Variants in ZNF91 observed in about 807,000 individuals in gnomAD.
ZNF91 encodes zinc finger protein 91 (HPF7, HTF10).
ZNF91 carries 7 observed loss-of-function variants against 12.6 expected under a neutral mutation model. The ratio of observed to expected loss-of-function variants is 0.55; its 90% CI spans 0.31 to 1.04. The LOEUF (loss-of-function observed/expected upper bound fraction) is 1.04, where lower values mean the gene tolerates loss of function less well. Among genes scored for constraint, ZNF91 ranks in the 50% least tolerant of loss-of-function variants. The pLI is 0.05. For synonymous variants in ZNF91, 453 were observed against 462.6 expected, an observed-to-expected ratio of 0.98 and a Z score of 0.27; for missense variants, 1,217 against 1,385.4, an observed-to-expected ratio of 0.88 and a Z score of 1.93.
chr19:23,380,626 A>G (rs76370960), intron 1 of ZNF91: 2 of 152,206 alleles, frequency 1.3e-5, no homozygotes, highest in African/African-American at 2.4e-5. Flanking sequence ...GCGTCTTAAG[A>G]AAAAACTGAG....
At chr19:23,382,049 CAAAAA>C (rs60814223) in intron 1 of ZNF91, among the ~76,000 whole-genome samples, 1 of 79,388 alleles carries the variant, frequency 1.3e-5, no homozygotes, top group Non-Finnish European at 2.7e-5. Flanking sequence ...AATCCTGAGA[CAAAAA>C]AAAAAAAAAA....
At chr19:23,383,227 T>C (rs185932030) in intron 1 of ZNF91, among the ~76,000 whole-genome samples, 2 of 152,268 alleles carry the variant, frequency 1.3e-5, no homozygotes, top group East Asian at 1.9e-4. Context: ...TAAAAAGAAC[T>C]ACTAAAGACA....
chr19:23,321,219 G>A (rs1967687381), intron 1 of ZNF91, among the ~76,000 whole-genome samples: 1 of 152,168 alleles, frequency 6.6e-6, no homozygotes, highest in African/African-American at 2.4e-5. Context: ...AAGTAGAATG[G>A]TGATATACTG....
chr19:23,318,127 T>C (rs1045810720), intron 1 of ZNF91, among the ~76,000 whole-genome samples: 2 of 152,186 alleles, frequency 1.3e-5, no homozygotes, highest in African/African-American at 4.8e-5. Context: ...TTATATTCAG[T>C]TAATATGAGT....
chr19:23,384,782 T>C, intron 1 of ZNF91: 1 of 649,788 alleles, frequency 1.5e-6, no homozygotes, highest in Non-Finnish European at 2.8e-6. Context: ...AGTAAGTTCT[T>C]CCGGGCCAAC....
At position 23,361,732 on chromosome 19, in the gene ZNF91, T is replaced by A. The variant is rs779403146; in HGVS notation, c.1247A>T (p.Asn416Ile). ...ATGTATAGTAAGATTTGAAGATCGA[T>A]TAAAAGCTTTGCCACATTCTTCACA... ...YKCEECGKAF[N>I]RSSNLTIHKF... The change falls in exon 4 of 4, where the codon AAT becomes ATT. Residue 416 changes from asparagine (N) to isoleucine (I), a missense_variant. Asn to Ile is a moderately radical substitution (Grantham distance 149). Transcript: ENST00000300619. 1.3e-4 allele frequency: 201 copies of A among 1,606,602 alleles called. No homozygotes were observed. The highest frequency in any genetic ancestry group is 1.6e-4 in the Non-Finnish European group (192 of 1,176,126).
intron 1 of ZNF91, among the ~76,000 whole-genome samples, chr19:23,387,775 T>A (rs1254706694): frequency 6.8e-6 from 1 of 147,486 alleles, no homozygotes; most frequent in Admixed American, 6.7e-5. Flanking sequence ...CCCCATCTCT[T>A]CTAAAAATAC....
downstream of ZNF91, chr19:23,338,733 T>A (rs1030512517): frequency 3.3e-5 from 5 of 152,156 alleles, no homozygotes; most frequent in Non-Finnish European, 7.4e-5. Flanking sequence ...TTACCTTGAA[T>A]ATAAATAAAT....
chr19:23,380,734 A>C (rs1420441187), intron 1 of ZNF91: 1 of 152,218 alleles, frequency 6.6e-6, no homozygotes, highest in Non-Finnish European at 1.5e-5. Flanking sequence ...AGCATGAGAA[A>C]CATGAGTGTT....
chr19:23,325,525 A>C (rs1167377254), intron 1 of ZNF91: 1 of 152,180 alleles, frequency 6.6e-6, no homozygotes, highest in African/African-American at 2.4e-5. Context: ...ATCTTTTGTC[A>C]TCTTGATCAC....
chr19:23,346,842 A>G (rs1968243879), intron 3 of ZNF91, among the ~76,000 whole-genome samples: 1 of 152,110 alleles, frequency 6.6e-6, no homozygotes, highest in African/African-American at 2.4e-5. Flanking sequence ...AAGACATGCT[A>G]GCTCACCGCA....
intron 1 of ZNF91, among the ~76,000 whole-genome samples, chr19:23,379,080 G>A (rs1417357476): frequency 6.6e-6 from 1 of 152,178 alleles, no homozygotes; most frequent in East Asian, 1.9e-4. Context: ...CTGTTCTGGA[G>A]ATTCTCAAAT....
At chr19:23,321,401 G>T (rs377716067) in intron 1 of ZNF91, among the ~76,000 whole-genome samples, 1 of 152,140 alleles carries the variant, frequency 6.6e-6, no homozygotes, top group Non-Finnish European at 1.5e-5. Flanking sequence ...ACACTTAGGC[G>T]ATGTGACTCT....
At chr19:23,315,145 T>G (rs548737912), upstream of ZNF91, among the ~76,000 whole-genome samples, 43 of 152,350 alleles carry the variant, frequency 2.8e-4, no homozygotes, top group African/African-American at 1.0e-3. Context: ...TAACTCTCTT[T>G]GACTGCTTAG....
At chr19:23,363,628 T>A (rs1968894460) in intron 3 of ZNF91, among the ~76,000 whole-genome samples, 1 of 152,148 alleles carries the variant, frequency 6.6e-6, no homozygotes, top group South Asian at 2.1e-4. Context: ...AATGTCCAAA[T>A]CTCAATCAAA....
intron 3 of ZNF91, among the ~76,000 whole-genome samples, chr19:23,369,993 A>C (rs1299212393): frequency 2.1e-5 from 3 of 141,998 alleles, no homozygotes; most frequent in Non-Finnish European, 4.7e-5. Context: ...ACACCCAAGA[A>C]TGATCAATAA....
chr19:23,340,291 A>G (rs1008793546), intron 3 of ZNF91, among the ~76,000 whole-genome samples: 1 of 152,194 alleles, frequency 6.6e-6, no homozygotes, highest in African/African-American at 2.4e-5. Context: ...TGCTAGCTAG[A>G]TTAACCACAA....
At position 23,361,236 on chromosome 19, in the gene ZNF91, T is replaced by C; in HGVS notation, c.1743A>G (p.Lys581=). The C allele has an allele frequency of 1.2e-6, 2 of 1,613,648 alleles. No individual in the cohort carries two copies. Among genetic ancestry groups the C allele is most frequent in the Non-Finnish European group, 1.7e-6 (2 of 1,179,792 alleles). Residue 581 remains lysine (K), a synonymous_variant, in exon 4 of 4, where the codon AAA becomes AAG. Transcript: ENST00000300619. Reference sequence around the variant, plus strand: ...AAAGACTTGAGGAATGATTAAAAGCTTTGCCACATTCTTCACATTTGTAGA... The same window carrying C: ...AAAGACTTGAGGAATGATTAAAAGCCTTGCCACATTCTTCACATTTGTAGA... ...KKLYKCEECG[K]AFNHSSSLST... is the part of the protein sequence containing the mutation.
chr19:23,369,225 G>A (rs1969157646), intron 3 of ZNF91, among the ~76,000 whole-genome samples: 1 of 151,990 alleles, frequency 6.6e-6, no homozygotes, highest in Admixed American at 6.6e-5. Flanking sequence ...CAGGAGAATC[G>A]CTTGAACCCA....
Sources: gnomAD v4.1 joint callset for allele counts (sites outside exome capture counted in the v4.1 genomes callset) on GRCh38, gnomAD v4.1.1 for gene constraint, MANE v1.5 for transcripts, NCBI Gene and HGNC (gene_info 2026-07-23, HGNC 2026-07-21) for gene names.